CTDSPL2: variants seen among roughly 807,000 people sequenced by gnomAD.
CTDSPL2 encodes the protein CTD small phosphatase like 2, also known as CTD small phosphatase-like protein 2.
CTDSPL2 carries 5 observed loss-of-function variants against 60.0 expected under a neutral mutation model. The observed-to-expected ratio is 0.08, with a 90% CI of 0.04 to 0.18. CTDSPL2 has a LOEUF of 0.18. Among genes scored for constraint, CTDSPL2 ranks in the 10% least tolerant of loss-of-function variants. The pLI, the probability that CTDSPL2 is intolerant of heterozygous loss-of-function variation, is 1.00. For missense variants in CTDSPL2, 370 were observed against 548.8 expected, an observed-to-expected ratio of 0.67 and a Z score of 3.26; for synonymous variants, 186 against 189.3, an observed-to-expected ratio of 0.98 and a Z score of 0.14.
chr15:44,515,962 TTC>T (rs1567104405), intron 10 of CTDSPL2, among the ~76,000 whole-genome samples: 1 of 151,548 alleles, frequency 6.6e-6, no homozygotes, highest in Non-Finnish European at 1.5e-5. Context: ...TCCTCTCTCT[TTC>T]TCTATTTCTT....
At chr15:44,442,268 T>C (rs1222885144) in intron 1 of CTDSPL2, among the ~76,000 whole-genome samples, 1 of 151,988 alleles carries the variant, frequency 6.6e-6, no homozygotes, top group East Asian at 1.9e-4. Flanking sequence ...ATGGCCAACA[T>C]GGTGAAACCC....
At chr15:44,483,637 C>G (rs1337923952) in intron 2 of CTDSPL2, among the ~76,000 whole-genome samples, 2 of 152,156 alleles carry the variant, frequency 1.3e-5, no homozygotes, top group African/African-American at 4.8e-5. Flanking sequence ...TCCATTAGTA[C>G]TGCAAGAATA....
intron 8 of CTDSPL2, among the ~76,000 whole-genome samples, chr15:44,505,202 T>A (rs755930567): frequency 4.6e-5 from 7 of 151,086 alleles, no homozygotes; most frequent in Admixed American, 1.3e-4. Flanking sequence ...GAGCCCTAGG[T>A]GGGTGGATGG....
intron 1 of CTDSPL2, among the ~76,000 whole-genome samples, chr15:44,455,423 G>T (rs1434037309): frequency 1.3e-5 from 2 of 152,096 alleles, no homozygotes; most frequent in Admixed American, 1.3e-4. Context: ...TCTTTCTCCT[G>T]CCTTATTGCC....
intron 1 of CTDSPL2, among the ~76,000 whole-genome samples, chr15:44,437,079 G>A (rs960445694): frequency 1.1e-4 from 17 of 152,176 alleles, no homozygotes; most frequent in Admixed American, 3.9e-4. Context: ...AGTTTTGACT[G>A]CATTTTGACT....
intron 1 of CTDSPL2, among the ~76,000 whole-genome samples, chr15:44,431,716 GT>G (rs886785067): frequency 0.012 from 1,589 of 133,586 alleles, 20 homozygotes; most frequent in African/African-American, 0.036. Context: ...TTGTTTGTTT[GT>G]TTTTTTTTTT....
intron 2 of CTDSPL2, among the ~76,000 whole-genome samples, chr15:44,470,930 C>G (rs1292612317): frequency 1.3e-5 from 2 of 151,734 alleles, no homozygotes; most frequent in South Asian, 4.1e-4. Context: ...CCTATATTGA[C>G]TTCTCAAAAA....
rs1371379086 is a variant in CTDSPL2 at position 44,454,788 on chromosome 15, C to A, written c.-24-4203C>A. On this transcript the variant is annotated intron_variant, in intron 1 of 12. Transcript: ENST00000260327. ...TCTGTTCAGTCCCATTGGTCTATAT[C>A]TCTGTTTTGGTACCAGTACCATGCT... Among the ~76,000 whole-genome samples, 8 of 152,216 alleles carry A rather than the reference C, an allele frequency of 5.3e-5. No individual in the cohort carries two copies. The South Asian group carries it at 1.0e-3, about 20-fold the overall frequency.
At chr15:44,462,272 T>A (rs1427664500) in intron 2 of CTDSPL2, among the ~76,000 whole-genome samples, 2 of 152,194 alleles carry the variant, frequency 1.3e-5, no homozygotes, top group Non-Finnish European at 2.9e-5. Flanking sequence ...TTATACTTTT[T>A]GTCCTTCTTT....
At chr15:44,474,081 C>G (rs1432659777) in intron 2 of CTDSPL2, among the ~76,000 whole-genome samples, 1 of 152,086 alleles carries the variant, frequency 6.6e-6, no homozygotes, top group Non-Finnish European at 1.5e-5. Flanking sequence ...ACCTGCCTCG[C>G]CTTCCCAAAG....
chr15:44,459,223 T>G, intron 2 of CTDSPL2, 23 bp downstream of exon 2: 8 of 1,552,344 alleles, frequency 5.2e-6, no homozygotes, highest in Non-Finnish European at 7.0e-6. Context: ...CCATATACTT[T>G]CATATCATTA....
chr15:44,487,993 C>T (rs1008219098), intron 4 of CTDSPL2, among the ~76,000 whole-genome samples: 1 of 151,682 alleles, frequency 6.6e-6, no homozygotes, highest in African/African-American at 2.4e-5. Flanking sequence ...TGGCATGTGC[C>T]TGTAATCCCA....
At chr15:44,459,803 C>G (rs973510791) in intron 2 of CTDSPL2, among the ~76,000 whole-genome samples, 1 of 152,088 alleles carries the variant, frequency 6.6e-6, no homozygotes, top group Non-Finnish European at 1.5e-5. Flanking sequence ...GAAAAAGTTT[C>G]TTGTTAATAT....
intron 12 of CTDSPL2, among the ~76,000 whole-genome samples, chr15:44,523,627 TATAA>T (rs1567108720): frequency 2.0e-5 from 3 of 152,096 alleles, no homozygotes; most frequent in African/African-American, 4.8e-5. Context: ...TTCGTTCATT[TATAA>T]ATAAACAAAC....
intron 2 of CTDSPL2, among the ~76,000 whole-genome samples, chr15:44,469,835 C>A (rs548240558): frequency 3.3e-5 from 5 of 152,114 alleles, no homozygotes; most frequent in Non-Finnish European, 7.4e-5. Flanking sequence ...CGGTGGCTCA[C>A]GCCTGTAATC....
chr15:44,428,980 TC>T (rs2079802502), intron 1 of CTDSPL2, among the ~76,000 whole-genome samples: 1 of 152,200 alleles, frequency 6.6e-6, no homozygotes, highest in Non-Finnish European at 1.5e-5. Flanking sequence ...GAATTTGGGA[TC>T]TTTGTAGGTT....
chr15:44,451,662 C>A (rs1167034243), intron 1 of CTDSPL2, among the ~76,000 whole-genome samples: 1 of 151,948 alleles, frequency 6.6e-6, no homozygotes, highest in Admixed American at 6.6e-5. Context: ...GAAAACTGGC[C>A]ATTTTAGATA....
At chr15:44,479,603 C>G (rs371024386) in intron 2 of CTDSPL2, among the ~76,000 whole-genome samples, 5 of 151,836 alleles carry the variant, frequency 3.3e-5, no homozygotes, top group East Asian at 3.9e-4. Flanking sequence ...GAAATGGGAT[C>G]TTGCTGTGTT....
At chr15:44,471,814 G>C (rs1315386568) in intron 2 of CTDSPL2, among the ~76,000 whole-genome samples, 1 of 151,882 alleles carries the variant, frequency 6.6e-6, no homozygotes, top group Admixed American at 6.6e-5. Context: ...TCTGCTTCCT[G>C]TCTCTATGGA....
Sources: gnomAD v4.1 joint callset for allele counts (sites outside exome capture counted in the v4.1 genomes callset) on GRCh38, gnomAD v4.1.1 for gene constraint, MANE v1.5 for transcripts, NCBI Gene and HGNC (gene_info 2026-07-23, HGNC 2026-07-21) for gene names.